Variants in WDR43 observed in about 807,000 individuals in gnomAD.
WDR43 encodes the protein WD repeat-containing protein 43.
Under a neutral mutation model 91.4 loss-of-function variants are expected in WDR43, and 13 were observed. The observed-to-expected ratio is 0.14, with a 90% confidence interval of 0.09 to 0.23. The LOEUF is 0.23. Ranked by LOEUF, WDR43 falls within the 10% of genes least tolerant of loss-of-function variation. The pLI is 1.00. For synonymous variants in WDR43, 331 were observed against 287.9 expected (o/e 1.15, Z -1.51); for missense variants, 780 against 809.4 (o/e 0.96, Z 0.44).
At chr2:28,907,809 C>A (rs1010496812) in intron 3 of WDR43, among the ~76,000 whole-genome samples, 3 of 150,986 alleles carry the variant, frequency 2.0e-5, no homozygotes, top group Admixed American at 2.0e-4. Context: ...GAGGCTGAGG[C>A]AGGAGAATGG....
chr2:28,927,853 T>A (rs1419831022), intron 10 of WDR43, 153 bp downstream of exon 10: 1 of 1,067,160 alleles, frequency 9.4e-7, no homozygotes, highest in Non-Finnish European at 1.3e-6. Context: ...CATCATAGAT[T>A]TCATAATTCT....
intron 16 of WDR43, among the ~76,000 whole-genome samples, chr2:28,945,344 A>G (rs1671526471): frequency 6.6e-6 from 1 of 152,234 alleles, no homozygotes; most frequent in Non-Finnish European, 1.5e-5. Flanking sequence ...TTCTCCAGTT[A>G]TCCGTAAAAT....
At chr2:28,940,883 C>T (rs1202319365) in intron 14 of WDR43, among the ~76,000 whole-genome samples, 1 of 152,112 alleles carries the variant, frequency 6.6e-6, no homozygotes, top group South Asian at 2.1e-4. Flanking sequence ...CTGATGAGAG[C>T]AACATGGGAG....
At chr2:28,932,378 G>T (rs1335148762) in intron 11 of WDR43, among the ~76,000 whole-genome samples, 1 of 152,226 alleles carries the variant, frequency 6.6e-6, no homozygotes, top group East Asian at 1.9e-4. Context: ...TGCCAGGATG[G>T]TCTCAGACTC....
intron 5 of WDR43, among the ~76,000 whole-genome samples, chr2:28,916,375 C>T (rs1205677208): frequency 6.6e-6 from 1 of 151,930 alleles, no homozygotes; most frequent in Non-Finnish European, 1.5e-5. Flanking sequence ...TTTTTACCAG[C>T]AGTGTATAAA....
At chr2:28,917,634 GAAA>G (rs1185772820) in intron 5 of WDR43, among the ~76,000 whole-genome samples, 1 of 152,068 alleles carries the variant, frequency 6.6e-6, no homozygotes, top group Non-Finnish European at 1.5e-5. Context: ...CAGATCAATA[GAAA>G]AAAACAGAAT....
chr2:28,946,840 G>A lies in WDR43; in HGVS notation c.*61G>A. ...CTGGCTCACCTTGCCCAGTGGTGAG[G>A]GCTGCCTCTGTGCCAGGATGCCAAG... On this transcript the variant is annotated 3_prime_UTR_variant, in exon 18 of 18. Transcript: ENST00000407426. The A allele has an allele frequency of 7.5e-6, 11 of 1,468,258 alleles. No individual in the cohort carries two copies. The highest frequency in any genetic ancestry group is 9.0e-6 in the Non-Finnish European group (10 of 1,114,232). 91.0% of individuals were successfully genotyped at this position (1,468,258 alleles called of 1,614,324 possible). A position where few individuals can be genotyped will look rare whatever the true frequency, so the allele number is the denominator to read the frequency against.
chr2:28,936,983 T>C (rs1454937421), intron 13 of WDR43, 30 bp downstream of exon 13: 27 of 1,554,058 alleles, frequency 1.7e-5, no homozygotes, highest in Non-Finnish European at 2.4e-5. Context: ...TTAAAAACAG[T>C]GTTGTCTGAC....
In WDR43 at chr2:28,922,930, G is replaced by A; in HGVS notation, c.861G>A (p.Leu287=). Reference sequence around the variant, plus strand: ...CATTTTTCTTTTAGCCTGTCAAGTTGGCTGTTGTTTGCAGAGATGGTCAAG... The same window carrying A: ...CATTTTTCTTTTAGCCTGTCAAGTTAGCTGTTGTTTGCAGAGATGGTCAAG... ...LSENKEEPVK[L]AVVCRDGQVH... The change falls in exon 7 of 18, where the codon TTG becomes TTA. Residue 287 remains leucine (L), a synonymous_variant. Coordinates refer to ENST00000407426, the MANE Select transcript of WDR43 (RefSeq NM_015131.3). 6.2e-7 allele frequency: 1 copy of A among 1,609,880 alleles called. No individual in the cohort carries two copies. The highest frequency in any genetic ancestry group is 8.5e-7 in the Non-Finnish European group (1 of 1,178,240).
chr2:28,925,866 C>T (rs923847172), intron 8 of WDR43, among the ~76,000 whole-genome samples: 1 of 152,144 alleles, frequency 6.6e-6, no homozygotes, highest in Non-Finnish European at 1.5e-5. Flanking sequence ...AATTCCATCC[C>T]TCTCTGTTTG....
chr2:28,895,148 C>T (rs977556167), intron 1 of WDR43: 9 of 370,794 alleles, frequency 2.4e-5, no homozygotes, highest in Non-Finnish European at 3.3e-5. Flanking sequence ...GCCTCGTATC[C>T]GAGCCCTGCC....
At chr2:28,909,168 C>T (rs66854259) in intron 3 of WDR43, among the ~76,000 whole-genome samples, 40,347 of 151,774 alleles carry the variant, frequency 0.27, 6,534 homozygotes, top group East Asian at 0.77. Flanking sequence ...GATGGAGTTT[C>T]GCTCTTGTTG....
chr2:28,926,291 G>T (rs1264434881), intron 8 of WDR43, among the ~76,000 whole-genome samples, 177 bp from the exon 9 acceptor site: 1 of 152,148 alleles, frequency 6.6e-6, no homozygotes, highest in African/African-American at 2.4e-5. Context: ...CCGTCAGTCT[G>T]AGTGGTGATC....
At chr2:28,902,438 A>C (rs1467650267) in intron 2 of WDR43, among the ~76,000 whole-genome samples, 1 of 152,236 alleles carries the variant, frequency 6.6e-6, no homozygotes, top group Non-Finnish European at 1.5e-5. Flanking sequence ...AGGGGAATAA[A>C]GGAGGCAGTT....
At chr2:28,897,799 C>T (rs181471072) in intron 1 of WDR43, among the ~76,000 whole-genome samples, 3 of 152,286 alleles carry the variant, frequency 2.0e-5, no homozygotes, top group African/African-American at 7.2e-5. Context: ...ATTGTCACCT[C>T]TTGTTGGTCA....
intron 7 of WDR43, among the ~76,000 whole-genome samples, chr2:28,924,099 T>C (rs1301712226): frequency 1.3e-5 from 2 of 152,216 alleles, no homozygotes; most frequent in East Asian, 3.9e-4. Context: ...TTGTGGAGAA[T>C]AAGTGGTAAT....
Position 28,922,797 on chromosome 2 carries a change from G to GTTTTTTTTT in WDR43, c.850-113_850-105dup, listed in dbSNP as rs70958224. 58 of 233,846 alleles carry GTTTTTTTTT rather than the reference G, an allele frequency of 2.5e-4. 4 individuals are homozygous for GTTTTTTTTT. The highest frequency in any genetic ancestry group is 2.9e-4 in the Non-Finnish European group (38 of 130,714). The allele number at this position is 233,846 out of a possible 1,614,324, so 14.5% of individuals were successfully genotyped here. A position where few individuals can be genotyped will look rare whatever the true frequency, so the allele number is the denominator to read the frequency against. On this transcript the variant is annotated intron_variant, in intron 6 of 17. Coordinates refer to ENST00000407426, the MANE Select transcript of WDR43 (RefSeq NM_015131.3). Reference sequence around the variant, plus strand: ...TTATTTTTAAATGGATTCTTGCTGTGTTTTTTTTTTTTTTTTTCTGGTTGT... The same window carrying GTTTTTTTTT: ...TTATTTTTAAATGGATTCTTGCTGTGTTTTTTTTTTTTTTTTTTTTTTTTTTCTGGTTGT...
chr2:28,932,388 C>T (rs1671265322), intron 11 of WDR43, among the ~76,000 whole-genome samples: 1 of 152,142 alleles, frequency 6.6e-6, no homozygotes, highest in African/African-American at 2.4e-5. Flanking sequence ...GTCTCAGACT[C>T]CTGATCTCCG....
rs1670682077 is a variant in WDR43, at chr2:28,906,447, T to G, written c.364-13T>G. 1 of 1,519,438 alleles carries G rather than the reference T, an allele frequency of 6.6e-7. No individual in the cohort carries two copies. The highest frequency in any genetic ancestry group is 1.4e-5 in the African/African-American group (1 of 70,828). The allele number at this position is 1,519,438 out of a possible 1,614,324, so 94.1% of individuals were successfully genotyped here. A position where few individuals can be genotyped will look rare whatever the true frequency, so the allele number is the denominator to read the frequency against. ...GACCAGCCTTAAATTTTTTTTTTTT[T>G]TTTAATCTACAGAGTGGTGGACATG... is the stretch of plus-strand genomic sequence containing the variant. On this transcript the variant is annotated splice_polypyrimidine_tract_variant and intron_variant, in intron 2 of 17. Coordinates refer to ENST00000407426, the MANE Select transcript of WDR43 (RefSeq NM_015131.3).
Sources: gnomAD v4.1 joint callset for allele counts (sites outside exome capture counted in the v4.1 genomes callset) on GRCh38, gnomAD v4.1.1 for gene constraint, MANE v1.5 for transcripts, NCBI Gene and HGNC (gene_info 2026-07-23, HGNC 2026-07-21) for gene names.